The following SMG6 variants were observed in gnomAD, a reference collection of about 807,000 sequenced individuals.
The protein encoded by SMG6 is telomerase-binding protein EST1A.
SMG6 carries 66 observed loss-of-function variants against 142.2 expected under a neutral mutation model. That is an observed-to-expected ratio of 0.46 (90% CI 0.38 to 0.57). The LOEUF is 0.57. Among genes scored for constraint, SMG6 ranks in the 20% least tolerant of loss-of-function variants. SMG6 has a pLI of 0.00. For synonymous variants in SMG6, 779 were observed against 702.4 expected, an observed-to-expected ratio of 1.11 and a Z score of -1.72; for missense variants, 1,793 against 1,832.0, an observed-to-expected ratio of 0.98 and a Z score of 0.39.
intron 8 of SMG6, among the ~76,000 whole-genome samples, chr17:2,277,165 ATTTTTTATTTTT>A (rs1480426124): frequency 4.7e-5 from 3 of 63,428 alleles, no homozygotes; most frequent in South Asian, 5.3e-4. Flanking sequence ...TTATTTATTT[ATTTTTTATTTTT>A]TTTTTTTTTG....
intron 16 of SMG6, among the ~76,000 whole-genome samples, chr17:2,066,374 G>GTGTA (rs2067949863): frequency 6.7e-6 from 1 of 150,226 alleles, no homozygotes; most frequent in Non-Finnish European, 1.5e-5. Context: ...ATATGTCTCT[G>GTGTA]TGTGTGTGTG....
At chr17:2,175,709 C>T (rs751328185) in intron 12 of SMG6, among the ~76,000 whole-genome samples, 4 of 152,180 alleles carry the variant, frequency 2.6e-5, no homozygotes, top group Non-Finnish European at 4.4e-5. Flanking sequence ...CCAAAAGACA[C>T]AGGGAGTGCC....
intron 13 of SMG6, among the ~76,000 whole-genome samples, chr17:2,125,403 A>C (rs1247765867): frequency 1.3e-5 from 2 of 152,244 alleles, no homozygotes; most frequent in Non-Finnish European, 2.9e-5. Context: ...AGAAAATCTG[A>C]GGATAATTCT....
intron 6 of SMG6, 42 bp downstream of exon 6, chr17:2,292,509 AC>A (rs1353788349): frequency 5.1e-6 from 8 of 1,577,590 alleles, no homozygotes; most frequent in African/African-American, 1.3e-5. Context: ...ATTGTAAGAT[AC>A]TTCCTGCAAA....
At chr17:2,294,789 C>T (rs1322416594) in intron 4 of SMG6, among the ~76,000 whole-genome samples, 2 of 152,104 alleles carry the variant, frequency 1.3e-5, no homozygotes, top group African/African-American at 2.4e-5. Context: ...CACTAAACTC[C>T]AAGAAACAGG....
At chr17:2,249,391 GCTCAAGCAATCCT>G (rs2073998825) in intron 8 of SMG6, among the ~76,000 whole-genome samples, 1 of 152,180 alleles carries the variant, frequency 6.6e-6, no homozygotes, top group Admixed American at 6.5e-5. Context: ...TGACTCCTGG[GCTCAAGCAATCCT>G]CTCACCTTAG....
intron 8 of SMG6, among the ~76,000 whole-genome samples, chr17:2,281,210 T>C (rs1411516295): frequency 6.6e-6 from 1 of 152,094 alleles, no homozygotes; most frequent in African/African-American, 2.4e-5. Flanking sequence ...ATGACATCCT[T>C]GAACTCCTGG....
Position 2,299,771 on chromosome 17 carries a change from C to A in SMG6, c.982G>T (p.Glu328Ter). 1 of 1,614,194 alleles carries A rather than the reference C, an allele frequency of 6.2e-7. No homozygotes were observed. Among genetic ancestry groups the A allele is most frequent in the Non-Finnish European group, 8.5e-7 (1 of 1,180,032 alleles). The change falls in exon 2 of 19, where the codon GAA becomes TAA. Residue 328 changes from glutamate to a stop codon, truncating the protein, a stop_gained. Coordinates refer to ENST00000263073, the MANE Select transcript of SMG6 (RefSeq NM_017575.5). LOFTEE classifies it high-confidence loss of function. The surrounding 1 kb of genome is among the most constrained non-coding windows in gnomAD (Gnocchi z 4.3). ...TCCCCACGGCCAGACCAGTTTCTTT[C>A]TAAATGTCTCTTCCTTTCTGAACTT... ...RRSSERKRHL[E>*]RNWSGRGEGE...
chr17:2,125,346 A>C (rs914709443), intron 13 of SMG6, among the ~76,000 whole-genome samples: 3 of 152,156 alleles, frequency 2.0e-5, no homozygotes, highest in African/African-American at 7.2e-5. Context: ...TTCAGATACT[A>C]CAAGGCCTCT....
intron 13 of SMG6, among the ~76,000 whole-genome samples, chr17:2,162,111 G>A (rs2071197081): frequency 6.6e-6 from 1 of 152,126 alleles, no homozygotes; most frequent in Admixed American, 6.6e-5. Context: ...ACAATATTGT[G>A]CAGCTCTTAA....
intron 13 of SMG6, among the ~76,000 whole-genome samples, chr17:2,117,333 G>A (rs138874846): frequency 3.3e-5 from 5 of 152,038 alleles, no homozygotes; most frequent in South Asian, 4.2e-4. Context: ...GAAAAAAAAC[G>A]CTGAAAGCAT....
At position 2,065,063 on chromosome 17, in the gene SMG6, A is replaced by C; in HGVS notation, c.4129+10T>G. On this transcript the variant is annotated intron_variant, in intron 18 of 18. Coordinates refer to ENST00000263073, the MANE Select transcript of SMG6 (RefSeq NM_017575.5). ...GGATGGAAGATCCCAAGGCGGAGGC[A>C]AAGCTGTACCTTTGCTGGCGGGCAT... The C allele has an allele frequency of 6.2e-7, 1 of 1,611,934 alleles. No homozygotes were observed. Among genetic ancestry groups the C allele is most frequent in the Non-Finnish European group, 8.5e-7 (1 of 1,178,236 alleles).
At chr17:2,288,576 T>C (rs1354266521) in intron 6 of SMG6, among the ~76,000 whole-genome samples, 2 of 145,868 alleles carry the variant, frequency 1.4e-5, no homozygotes, top group Non-Finnish European at 3.0e-5. Flanking sequence ...GAGCCAAGAT[T>C]AGGCCACTGC....
intron 9 of SMG6, among the ~76,000 whole-genome samples, chr17:2,238,992 C>T (rs940102787): frequency 6.6e-6 from 1 of 152,118 alleles, no homozygotes; most frequent in Admixed American, 6.5e-5. Flanking sequence ...ACGGGAGGCA[C>T]AGATAAAGAG....
chr17:2,067,134 A>G (rs1489304687), intron 16 of SMG6, among the ~76,000 whole-genome samples: 2 of 152,202 alleles, frequency 1.3e-5, no homozygotes, highest in East Asian at 3.8e-4. Context: ...CACAACTGTC[A>G]GTTCCCAGCA....
At chr17:2,301,298 C>A (rs1035931580) in intron 1 of SMG6, among the ~76,000 whole-genome samples, 2 of 152,184 alleles carry the variant, frequency 1.3e-5, no homozygotes, top group African/African-American at 4.8e-5. Flanking sequence ...AATTAAACAG[C>A]AAGCAGTTCT....
intron 13 of SMG6, among the ~76,000 whole-genome samples, chr17:2,097,730 C>T (rs1005060419): frequency 1.3e-5 from 2 of 152,194 alleles, no homozygotes; most frequent in African/African-American, 4.8e-5. Context: ...TACACCTTCT[C>T]TAGGCTAAAC....
chr17:2,122,879 T>C (rs963480821), intron 13 of SMG6, among the ~76,000 whole-genome samples: 6 of 152,224 alleles, frequency 3.9e-5, no homozygotes, highest in Non-Finnish European at 8.8e-5. Flanking sequence ...AACAGGAGAC[T>C]GAGCACAGAG....
chr17:2,066,220 C>T, intron 16 of SMG6: 1 of 168,842 alleles, frequency 5.9e-6, no homozygotes, highest in Non-Finnish European at 1.3e-5. Context: ...AGAACCTTGG[C>T]ACATCTACCT....
Sources: allele counts gnomAD v4.1 joint callset (sites outside exome capture counted in the v4.1 genomes callset), GRCh38; gene constraint gnomAD v4.1.1; non-coding constraint Gnocchi (gnomAD v3.1); transcripts MANE v1.5; gene names NCBI Gene and HGNC (gene_info 2026-07-23, HGNC 2026-07-21).